Variants in TOP6BL observed in about 807,000 individuals in gnomAD.
The protein encoded by TOP6BL is TOP6B like initiator of meiotic double strand breaks.
chr11:66,777,874 C>CA, the TOP6BL span, among the ~76,000 whole-genome samples: 5 of 151,854 alleles, frequency 3.3e-5, no homozygotes, highest in African/African-American at 9.7e-5. Context: ...TCCATCCCCC[C>CA]AAAAAAAGTT....
At chr11:66,798,700 A>G in the TOP6BL span, among the ~76,000 whole-genome samples, 1 of 151,952 alleles carries the variant, frequency 6.6e-6, no homozygotes, top group Admixed American at 6.6e-5. Context: ...GAGCTGTGAT[A>G]TAGGGCTCAA....
At chr11:66,780,212 A>C in the TOP6BL span, among the ~76,000 whole-genome samples, 1 of 152,174 alleles carries the variant, frequency 6.6e-6, no homozygotes, top group Admixed American at 6.5e-5. Context: ...TTTTTTGCTC[A>C]ATTTTGAGTA....
the TOP6BL span, among the ~76,000 whole-genome samples, chr11:66,753,406 CTTTTT>C: frequency 1.7e-5 from 2 of 120,734 alleles, no homozygotes; most frequent in Admixed American, 8.3e-5. Flanking sequence ...AGGACTTAGT[CTTTTT>C]TTTTTTTTTT....
the TOP6BL span, among the ~76,000 whole-genome samples, chr11:66,797,289 C>T: frequency 6.6e-6 from 1 of 151,958 alleles, no homozygotes; most frequent in Non-Finnish European, 1.5e-5. Context: ...CCTGAGTCAC[C>T]ACACCCAGCC....
At chr11:66,829,905 A>G in the TOP6BL span, among the ~76,000 whole-genome samples, 1 of 152,160 alleles carries the variant, frequency 6.6e-6, no homozygotes, top group Non-Finnish European at 1.5e-5. Flanking sequence ...ATAAATAAAT[A>G]AATAATAAAT....
the TOP6BL span, chr11:66,796,118 AT>A: frequency 1.7e-6 from 1 of 579,974 alleles, no homozygotes; most frequent in Non-Finnish European, 3.1e-6. Flanking sequence ...GGCTATTTAG[AT>A]TTTCTTTTGC....
the TOP6BL span, among the ~76,000 whole-genome samples, chr11:66,774,236 A>G: frequency 6.6e-6 from 1 of 152,166 alleles, no homozygotes; most frequent in Non-Finnish European, 1.5e-5. Flanking sequence ...ATTATTGAAT[A>G]GTACTTTACC....
At chr11:66,813,920 C>T in the TOP6BL span, 31 of 1,613,530 alleles carry the variant, frequency 1.9e-5, no homozygotes, top group Admixed American at 8.3e-5. Flanking sequence ...TGGGAGCAGC[C>T]GATGACTACT....
At chr11:66,836,285 C>G in the TOP6BL span, among the ~76,000 whole-genome samples, 128 of 152,052 alleles carry the variant, frequency 8.4e-4, no homozygotes, top group African/African-American at 3.0e-3. Flanking sequence ...GGCGCTATCT[C>G]GGCTCACTGC....
chr11:66,775,240 A>G, the TOP6BL span, among the ~76,000 whole-genome samples: 2 of 151,538 alleles, frequency 1.3e-5, no homozygotes, highest in African/African-American at 4.8e-5. Flanking sequence ...GAGATGATAT[A>G]TCTTGTCATT....
the TOP6BL span, chr11:66,843,050 G>A: frequency 2.6e-6 from 4 of 1,563,098 alleles, no homozygotes; most frequent in South Asian, 2.3e-5. Context: ...GGCAGGGCGA[G>A]CCTCGGAAGC....
chr11:66,748,561 GT>G, the TOP6BL span: 1 of 1,419,248 alleles, frequency 7.0e-7, no homozygotes, highest in Non-Finnish European at 9.5e-7. Flanking sequence ...TTTTGTCATG[GT>G]TTATGTCGTA....
chr11:66,825,580 G>A, the TOP6BL span, among the ~76,000 whole-genome samples: 2 of 151,968 alleles, frequency 1.3e-5, no homozygotes, highest in Non-Finnish European at 2.9e-5. Context: ...CAGCCCAGAG[G>A]AGGGCCCTCA....
chr11:66,817,837 G>A, the TOP6BL span, among the ~76,000 whole-genome samples: 2 of 152,032 alleles, frequency 1.3e-5, no homozygotes, highest in South Asian at 2.1e-4. Flanking sequence ...ATGAGCAATC[G>A]CACTGGCCTC....
At chr11:66,760,517 G>T in the TOP6BL span, among the ~76,000 whole-genome samples, 1 of 147,394 alleles carries the variant, frequency 6.8e-6, no homozygotes, top group Non-Finnish European at 1.5e-5. Flanking sequence ...AGTGGCTCAT[G>T]CCTGTAATCC....
chr11:66,805,636 G>A, the TOP6BL span, among the ~76,000 whole-genome samples: 10 of 151,970 alleles, frequency 6.6e-5, no homozygotes, highest in Non-Finnish European at 1.3e-4. Flanking sequence ...TGCATTTTTG[G>A]TAGAGACAGA....
the TOP6BL span, among the ~76,000 whole-genome samples, chr11:66,765,864 A>C: frequency 6.6e-6 from 1 of 152,320 alleles, no homozygotes; most frequent in South Asian, 2.1e-4. Flanking sequence ...GAACCTCACA[A>C]AGGAAATTGG....
At chr11:66,752,662 C>T in the TOP6BL span, among the ~76,000 whole-genome samples, 4 of 151,958 alleles carry the variant, frequency 2.6e-5, no homozygotes, top group South Asian at 2.1e-4. Flanking sequence ...CATGTTGGCT[C>T]GGCTGGTCTC....
At chr11:66,825,726 C>T in the TOP6BL span, among the ~76,000 whole-genome samples, 1 of 152,126 alleles carries the variant, frequency 6.6e-6, no homozygotes, top group Non-Finnish European at 1.5e-5. Context: ...AAGACAGTGT[C>T]AAAGTGCATA....
Sources: allele counts gnomAD v4.1 joint callset (sites outside exome capture counted in the v4.1 genomes callset), GRCh38; gene constraint gnomAD v4.1.1; transcripts MANE v1.5; gene names NCBI Gene and HGNC (gene_info 2026-07-23, HGNC 2026-07-21).